The following AVEN variants were observed in gnomAD, a reference collection of about 807,000 sequenced individuals.
The protein encoded by AVEN is apoptosis and caspase activation inhibitor.
AVEN carries 41 observed loss-of-function variants against 38.1 expected under a neutral mutation model. The ratio of observed to expected loss-of-function variants is 1.08; its 90% confidence interval spans 0.84 to 1.40. The LOEUF is 1.40. Ranked by LOEUF, AVEN falls within the 40% of genes most tolerant of loss-of-function variation. The pLI, the probability that AVEN is intolerant of heterozygous loss-of-function variation, is 0.00. For synonymous variants in AVEN, 206 were observed against 171.8 expected (o/e 1.20, Z -1.56); for missense variants, 605 against 438.8 (o/e 1.38, Z -3.38).
intron 2 of AVEN, chr15:33,968,875 C>T (rs1215231207): frequency 5.3e-5 from 8 of 152,062 alleles, no homozygotes; most frequent in Non-Finnish European, 1.0e-4. Flanking sequence ...TCTCAACACT[C>T]AGATTGTTTG....
At chr15:33,903,698 A>C (rs1892576012) in intron 2 of AVEN, among the ~76,000 whole-genome samples, 1 of 152,250 alleles carries the variant, frequency 6.6e-6, no homozygotes, top group Non-Finnish European at 1.5e-5. Context: ...AAAAGAATGA[A>C]AAATAGAAAA....
intron 2 of AVEN, among the ~76,000 whole-genome samples, chr15:33,900,024 T>G (rs996401252): frequency 7.2e-5 from 11 of 151,954 alleles, no homozygotes; most frequent in African/African-American, 2.4e-4. Flanking sequence ...TCAATGGAAA[T>G]TCACAGTAAG....
At chr15:33,860,962 C>G in intron 11 of AVEN, 1 of 836,702 alleles carries the variant, frequency 1.2e-6, no homozygotes, top group Non-Finnish European at 2.0e-6. Context: ...TGACTAATAG[C>G]CAAAAGCATT....
intron 2 of AVEN, among the ~76,000 whole-genome samples, chr15:33,897,273 A>G (rs1424178676): frequency 2.1e-5 from 3 of 139,968 alleles, no homozygotes; most frequent in Non-Finnish European, 4.6e-5. Context: ...AACATAAATT[A>G]TACCTCAATA....
chr15:33,855,822 A>G (rs1198817803), downstream of AVEN: 3 of 152,210 alleles, frequency 2.0e-5, no homozygotes, highest in Non-Finnish European at 4.4e-5. Flanking sequence ...TATTGATGAG[A>G]CTGGATATAG....
At chr15:33,873,553 ATAAT>A (rs1415677334) in intron 3 of AVEN, among the ~76,000 whole-genome samples, 1 of 148,108 alleles carries the variant, frequency 6.8e-6, no homozygotes, top group Admixed American at 6.8e-5. Context: ...CACTCAATAT[ATAAT>A]ATACGTATTA....
chr15:33,858,694 G>T (rs902928340), downstream of AVEN: 1 of 152,440 alleles, frequency 6.6e-6, no homozygotes, highest in Admixed American at 6.6e-5. Context: ...GTGGGGAGGG[G>T]GAGTCCCGTC....
chr15:34,007,513 G>A (rs185900183), intron 1 of AVEN, among the ~76,000 whole-genome samples: 3 of 152,186 alleles, frequency 2.0e-5, no homozygotes, highest in Non-Finnish European at 2.9e-5. Context: ...ACCCAGAGTC[G>A]CCTTTAATGT....
At chr15:33,865,414 T>TGGGAGAGA, downstream of AVEN, 1 of 545,332 alleles carries the variant, frequency 1.8e-6, no homozygotes, top group Non-Finnish European at 3.3e-6. Context: ...ACATACACTG[T>TGGGAGAGA]GGGAGAGAAC....
rs370441123 is a variant in AVEN at position 34,003,091 on chromosome 15, T to A, written c.386A>T (p.Asn129Ile). Residue 129 changes from asparagine (N) to isoleucine (I), a missense_variant, in exon 2 of 6, where the codon AAT becomes ATT. Physicochemically the swap from Asn to Ile is moderately radical, Grantham distance 149. Transcript: ENST00000306730. Reference sequence around the variant, plus strand: ...CCTCTGTGACTCTCCACTTTCATTATTGACCTCTTTTTCAATATCTTGATA... The same window carrying A: ...CCTCTGTGACTCTCCACTTTCATTAATGACCTCTTTTTCAATATCTTGATA... ...DRYQDIEKEV[N>I]NESGESQRGT... The A allele has an allele frequency of 3.1e-6, 5 of 1,613,908 alleles. No homozygotes were observed. Among genetic ancestry groups the A allele is most frequent in the Non-Finnish European group, 4.2e-6 (5 of 1,179,936 alleles).
chr15:34,005,274 G>A (rs1314041227), intron 1 of AVEN, among the ~76,000 whole-genome samples: 1 of 152,016 alleles, frequency 6.6e-6, no homozygotes, highest in African/African-American at 2.4e-5. Flanking sequence ...CTATACAGCT[G>A]GTTTTTCCAA....
Position 33,866,890 on chromosome 15 carries a change from G to C in AVEN, c.974-162C>G, listed in dbSNP as rs137904697. ...ATCTAAACAAATAAAGCTGGGTAGA[G>C]GATTTGCTCTTTATTCTGAAGTTGA... On this transcript the variant is annotated intron_variant, in intron 5 of 5. Coordinates refer to ENST00000306730, the MANE Select transcript of AVEN (RefSeq NM_020371.3). Among the ~76,000 whole-genome samples, 302 of 152,264 alleles carry C rather than the reference G, an allele frequency of 2.0e-3. 2 individuals carry two copies. Among genetic ancestry groups the C allele is most frequent in the Middle Eastern group, 0.017 (5 of 294 alleles).
At chr15:33,880,073 T>A (rs1482201196) in intron 2 of AVEN, among the ~76,000 whole-genome samples, 1 of 152,114 alleles carries the variant, frequency 6.6e-6, no homozygotes, top group East Asian at 1.9e-4. Flanking sequence ...CTGTATACCC[T>A]AAAACAACCA....
chr15:34,047,340 G>A (rs1899742981), intron 5 of AVEN, among the ~76,000 whole-genome samples: 1 of 152,190 alleles, frequency 6.6e-6, no homozygotes, highest in Admixed American at 6.5e-5. Context: ...GCCTCCCAAA[G>A]TGCTGGGATT....
At chr15:34,019,932 A>C (rs1012932324) in intron 1 of AVEN, among the ~76,000 whole-genome samples, 1 of 152,390 alleles carries the variant, frequency 6.6e-6, no homozygotes. Context: ...AGTCTTAAGC[A>C]GTTCTTTTGT....
exon 1 of AVEN, among the ~76,000 whole-genome samples, chr15:34,074,978 A>T (rs1416874514): frequency 6.6e-6 from 1 of 152,056 alleles, no homozygotes; most frequent in Non-Finnish European, 1.5e-5. Context: ...GGAGATCGAG[A>T]CCATCCTGGC....
chr15:34,010,413 A>G (rs2140662020), intron 1 of AVEN, among the ~76,000 whole-genome samples: 1 of 152,338 alleles, frequency 6.6e-6, no homozygotes, highest in Middle Eastern at 3.4e-3. Context: ...GTAAAATTTC[A>G]GAAGTTATTA....
At chr15:34,057,623 T>C (rs1597392713) in intron 5 of AVEN, among the ~76,000 whole-genome samples, 1 of 152,232 alleles carries the variant, frequency 6.6e-6, no homozygotes, top group Non-Finnish European at 1.5e-5. Flanking sequence ...GGTTAAGTAA[T>C]GTGTCCAAAG....
chr15:33,865,244 G>A (rs780606406), downstream of AVEN: 61 of 1,548,488 alleles, frequency 3.9e-5, no homozygotes, highest in African/African-American at 8.2e-5. Context: ...TCAAAGAAGC[G>A]CGACAATTCT....
Sources: allele counts gnomAD v4.1 joint callset (sites outside exome capture counted in the v4.1 genomes callset), GRCh38; gene constraint gnomAD v4.1.1; transcripts MANE v1.5; gene names NCBI Gene and HGNC (gene_info 2026-07-23, HGNC 2026-07-21).